MINDY4: variants seen among roughly 807,000 people sequenced by gnomAD.
The protein encoded by MINDY4 is MINDY lysine 48 deubiquitinase 4, also known as probable ubiquitin carboxyl-terminal hydrolase MINDY-4.
A neutral mutation model predicts 87.0 loss-of-function variants in MINDY4; 68 were observed. The ratio of observed to expected loss-of-function variants is 0.78; its 90% CI spans 0.64 to 0.96. The LOEUF is 0.96. Ranked by LOEUF, MINDY4 falls within the 40% of genes least tolerant of loss-of-function variation. The probability of loss-of-function intolerance (pLI) is 0.00; values close to 1 mark genes in which losing one functional copy is unlikely to be tolerated. For synonymous variants in MINDY4, 379 were observed against 363.2 expected (o/e 1.04, Z -0.50); for missense variants, 919 against 928.2 (o/e 0.99, Z 0.13).
At chr7:30,840,617 C>A in intron 8 of MINDY4, 143 bp from the exon 9 acceptor site, 1 of 628,958 alleles carries the variant, frequency 1.6e-6, no homozygotes, top group Non-Finnish European at 2.8e-6. Flanking sequence ...GTTGTAGAAG[C>A]AGTTGCCACA....
At chr7:30,813,373 G>A (rs1373738657) in intron 5 of MINDY4, among the ~76,000 whole-genome samples, 2 of 152,166 alleles carry the variant, frequency 1.3e-5, no homozygotes, top group East Asian at 3.9e-4. Context: ...TGTGTGAGGC[G>A]GGCCTTGTGC....
Position 30,840,623 on chromosome 7 carries a change from C to T in MINDY4, c.1357-137C>T. On this transcript the variant is annotated intron_variant, in intron 8 of 17. Transcript: ENST00000265299. The stretch of plus-strand genomic sequence containing the variant: ...GGTTAGTGTGTTGTAGAAGCAGTTG[C>T]CACATCAGAGGCCCTTCTGTTGCAG... 4.6e-6 allele frequency: 3 copies of T among 650,126 alleles called. No individual in the cohort carries two copies. The South Asian group carries it at 5.9e-5, about 13-fold the overall frequency. The allele number at this position is 650,126 out of a possible 1,614,324, so 40.3% of individuals were successfully genotyped here. A position where few individuals can be genotyped will look rare whatever the true frequency, so the allele number is the denominator to read the frequency against.
chr7:30,854,409 G>A (rs1789511871), intron 12 of MINDY4, among the ~76,000 whole-genome samples: 1 of 152,158 alleles, frequency 6.6e-6, no homozygotes, highest in Non-Finnish European at 1.5e-5. Flanking sequence ...CTTGAGATGG[G>A]TTCCTTGTAG....
chr7:30,851,523 A>AGC (rs955007312), intron 10 of MINDY4, among the ~76,000 whole-genome samples: 1 of 152,234 alleles, frequency 6.6e-6, no homozygotes, highest in African/African-American at 2.4e-5. Context: ...GCACATACTA[A>AGC]GCACCACGTT....
chr7:30,860,731 G>T (rs1191935581), intron 13 of MINDY4, among the ~76,000 whole-genome samples: 1 of 152,096 alleles, frequency 6.6e-6, no homozygotes, highest in Non-Finnish European at 1.5e-5. Context: ...CCTGCATGTA[G>T]CCCTGTCCCT....
chr7:30,823,832 A>G (rs1292831619), intron 5 of MINDY4, among the ~76,000 whole-genome samples: 1 of 152,238 alleles, frequency 6.6e-6, no homozygotes, highest in East Asian at 1.9e-4. Flanking sequence ...AAACAAATAA[A>G]AAAACAAAAA....
intron 6 of MINDY4, among the ~76,000 whole-genome samples, chr7:30,831,714 C>T (rs554602264): frequency 4.9e-4 from 75 of 152,172 alleles, no homozygotes; most frequent in Non-Finnish European, 8.7e-4. Flanking sequence ...AAATTCTGCA[C>T]AGGCTCCCAG....
At chr7:30,889,426 T>C (rs1160108451) in intron 17 of MINDY4, among the ~76,000 whole-genome samples, 3 of 152,178 alleles carry the variant, frequency 2.0e-5, no homozygotes, top group Admixed American at 2.0e-4. Context: ...ATTTTCCTGC[T>C]GGTTGGACCT....
chr7:30,868,747 G>A (rs1040373965), intron 13 of MINDY4, among the ~76,000 whole-genome samples: 1 of 152,216 alleles, frequency 6.6e-6, no homozygotes, highest in Non-Finnish European at 1.5e-5. Context: ...GGGAGGTTTG[G>A]TCCTTGCTGG....
Position 30,853,392 on chromosome 7 carries a change from A to G in MINDY4, c.1612-2A>G. Reference sequence around the variant, plus strand: ...TCATCCTGAGTGTTTGTGTCTTCTCAGCTTACGCTTCACAGTTTGACCTGC... The same window carrying G: ...TCATCCTGAGTGTTTGTGTCTTCTCGGCTTACGCTTCACAGTTTGACCTGC... On this transcript the variant is annotated splice_acceptor_variant, in intron 11 of 17. Transcript: ENST00000265299. LOFTEE classifies it high-confidence loss of function. 1 of 1,613,214 alleles carries G rather than the reference A, an allele frequency of 6.2e-7. No homozygotes were observed. Among genetic ancestry groups the G allele is most frequent in the Non-Finnish European group, 8.5e-7 (1 of 1,179,564 alleles).
In MINDY4 at chr7:30,862,936, G is replaced by A. The variant is rs181433646; in HGVS notation, c.1745+3612G>A. 7.7e-3 allele frequency among the ~76,000 whole-genome samples: 1,179 copies of A among 152,312 alleles called. 9 individuals are homozygous for A. The highest frequency in any genetic ancestry group is 0.022 in the South Asian group (108 of 4,816). On this transcript the variant is annotated intron_variant, in intron 13 of 17. Transcript: ENST00000265299. ...ATTTTCAAGCTCACTGTGTGAAGCA[G>A]ATGCAGCGGAATGACTTTGATTAGA...
At chr7:30,821,142 T>C (rs755701876) in intron 5 of MINDY4, among the ~76,000 whole-genome samples, 1 of 152,204 alleles carries the variant, frequency 6.6e-6, no homozygotes, top group African/African-American at 2.4e-5. Context: ...GTTTATTATG[T>C]CTGGTGTTTT....
At chr7:30,792,200 T>G (rs1328692127) in intron 5 of MINDY4, among the ~76,000 whole-genome samples, 1 of 152,248 alleles carries the variant, frequency 6.6e-6, no homozygotes, top group Admixed American at 6.5e-5. Context: ...ATTGATTGAT[T>G]TCTGAATGTT....
intron 9 of MINDY4, among the ~76,000 whole-genome samples, chr7:30,841,635 T>A (rs974306124): frequency 1.3e-4 from 20 of 148,806 alleles, no homozygotes; most frequent in Middle Eastern, 3.5e-3. Context: ...TGGCCTTTTT[T>A]AAAAAAAAAA....
At chr7:30,871,049 CT>C (rs1391416052) in intron 13 of MINDY4, among the ~76,000 whole-genome samples, 1 of 151,790 alleles carries the variant, frequency 6.6e-6, no homozygotes, top group Non-Finnish European at 1.5e-5. Context: ...GTGTACCCCC[CT>C]GGGTCGTGTG....
At chr7:30,828,830 T>G in intron 6 of MINDY4, 93 bp downstream of exon 6, 1 of 1,187,962 alleles carries the variant, frequency 8.4e-7, no homozygotes, top group Non-Finnish European at 1.2e-6. Context: ...GGGGCCCCTT[T>G]CCTTCCACCT....
chr7:30,790,078 C>T (rs1004787441), intron 4 of MINDY4, among the ~76,000 whole-genome samples: 2 of 152,146 alleles, frequency 1.3e-5, no homozygotes, highest in Admixed American at 6.5e-5. Context: ...GAGTAGTGAG[C>T]GTTTGCTGAC....
At chr7:30,806,219 C>T (rs1787800947) in intron 5 of MINDY4, among the ~76,000 whole-genome samples, 1 of 152,164 alleles carries the variant, frequency 6.6e-6, no homozygotes, top group South Asian at 2.1e-4. Flanking sequence ...TGAAACTTGG[C>T]TCGCCATCTT....
intron 9 of MINDY4, among the ~76,000 whole-genome samples, chr7:30,847,355 G>A (rs757145172): frequency 3.9e-5 from 6 of 152,206 alleles, no homozygotes; most frequent in Non-Finnish European, 8.8e-5. Context: ...GGGGCTGTAA[G>A]CAGAGCCTGT....
Sources: gnomAD v4.1 joint callset for allele counts (sites outside exome capture counted in the v4.1 genomes callset) on GRCh38, gnomAD v4.1.1 for gene constraint, MANE v1.5 for transcripts, NCBI Gene and HGNC (gene_info 2026-07-23, HGNC 2026-07-21) for gene names.